The following PCDHGB3 variants were observed in gnomAD, a reference collection of about 807,000 sequenced individuals.
PCDHGB3 encodes protocadherin gamma-B3.
Under a neutral mutation model 59.2 loss-of-function variants are expected in PCDHGB3, and 40 were observed. That is an observed-to-expected ratio of 0.68 (90% CI 0.52 to 0.88). The LOEUF (loss-of-function observed/expected upper bound fraction) is 0.88, where lower values mean the gene tolerates loss of function less well. Among genes scored for constraint, PCDHGB3 ranks in the 40% least tolerant of loss-of-function variants. The pLI is 0.00. For missense variants in PCDHGB3, 1,309 were observed against 1,187.9 expected, an observed-to-expected ratio of 1.10 and a Z score of -1.50; for synonymous variants, 581 against 503.6, an observed-to-expected ratio of 1.15 and a Z score of -2.06.
chr5:141,416,130 C>T (rs907950687), intron 1 of PCDHGB3: 1 of 154,098 alleles, frequency 6.5e-6, no homozygotes, highest in African/African-American at 2.4e-5. Context: ...ATATATTTTT[C>T]AATCTATACT....
At position 141,493,332 on chromosome 5, in the gene PCDHGB3, C is replaced by T. The variant is rs2099747680; in HGVS notation, c.2416-1475C>T. 6.6e-6 allele frequency among the ~76,000 whole-genome samples: 1 copy of T among 152,210 alleles called. No homozygotes were observed. The highest frequency in any genetic ancestry group is 1.5e-5 in the Non-Finnish European group (1 of 68,036). Reference sequence around the variant, plus strand: ...AAGAGAGATTCTAACCCCTGTCTAACTCCAGAATGTGTGCTTTTAATTTCT... The same window carrying T: ...AAGAGAGATTCTAACCCCTGTCTAATTCCAGAATGTGTGCTTTTAATTTCT... On this transcript the variant is annotated intron_variant, in intron 1 of 3. Transcript: ENST00000576222. This position sits in a 1 kb window ranked among gnomAD's most constrained non-coding sequence, Gnocchi z 4.3.
intron 1 of PCDHGB3, chr5:141,409,494 C>G (rs755680835): frequency 6.2e-7 from 1 of 1,614,028 alleles, no homozygotes; most frequent in Non-Finnish European, 8.5e-7. Flanking sequence ...GGCAAGCCGC[C>G]TCTTTCTTCC....
chr5:141,415,096 G>A (rs1398998410), intron 1 of PCDHGB3: 3 of 1,613,462 alleles, frequency 1.9e-6, no homozygotes, highest in Non-Finnish European at 2.5e-6. Flanking sequence ...GGACAGAGAC[G>A]CGCTCAAGCA....
At chr5:141,407,547 T>C (rs895082728) in intron 1 of PCDHGB3, among the ~76,000 whole-genome samples, 1 of 151,860 alleles carries the variant, frequency 6.6e-6, no homozygotes, top group Non-Finnish European at 1.5e-5. Flanking sequence ...GGTAACAGAT[T>C]GTAGAACATA....
At chr5:141,389,088 T>G (rs774714581) in intron 1 of PCDHGB3, 2 of 1,613,894 alleles carry the variant, frequency 1.2e-6, no homozygotes, top group Non-Finnish European at 1.7e-6. Context: ...CACGTATAAA[T>G]TAGTGACAGA....
At chr5:141,502,864 G>GTTTTTTTT in intron 2 of PCDHGB3, among the ~76,000 whole-genome samples, 3 of 61,566 alleles carry the variant, frequency 4.9e-5, no homozygotes, top group African/African-American at 2.4e-4. Context: ...CTGACTCTCT[G>GTTTTTTTT]TCTTTTTTTT....
intron 1 of PCDHGB3, chr5:141,418,282 A>G (rs1209026046): frequency 6.2e-7 from 1 of 1,614,030 alleles, no homozygotes; most frequent in Admixed American, 1.7e-5. Flanking sequence ...TAAACTTAGA[A>G]ATCAGTGAAT....
intron 1 of PCDHGB3, chr5:141,414,141 A>T (rs1162904324): frequency 1.3e-6 from 2 of 1,597,216 alleles, no homozygotes; most frequent in East Asian, 2.3e-5. Context: ...ATGAAATAGA[A>T]ATACAAGCAG....
intron 1 of PCDHGB3, chr5:141,393,960 G>A (rs2092885452): frequency 4.3e-6 from 7 of 1,613,944 alleles, no homozygotes; most frequent in Non-Finnish European, 5.1e-6. Context: ...TGGTCAAGTT[G>A]TCTGTTACAC....
chr5:141,423,234 C>T, intron 1 of PCDHGB3: 1 of 1,613,918 alleles, frequency 6.2e-7, no homozygotes, highest in South Asian at 1.1e-5. Context: ...CCGACAGCAT[C>T]CCCGAAGTCC....
chr5:141,393,664 T>A, intron 1 of PCDHGB3: 1 of 1,613,772 alleles, frequency 6.2e-7, no homozygotes. Context: ...TTCCGGAAAA[T>A]TAATGAAAAA....
intron 1 of PCDHGB3, chr5:141,392,144 A>G (rs1172213450): frequency 6.6e-6 from 1 of 152,224 alleles, no homozygotes; most frequent in Admixed American, 6.5e-5. Flanking sequence ...AGTAGTTTAA[A>G]CCAAATAAAA....
chr5:141,414,868 G>A (rs1346192710), intron 1 of PCDHGB3: 1 of 1,614,098 alleles, frequency 6.2e-7, no homozygotes, highest in African/African-American at 1.3e-5. Flanking sequence ...CAATGCGCCC[G>A]AGATCCTGTA....
chr5:141,408,437 G>A (rs368564960), intron 1 of PCDHGB3: 1 of 1,614,068 alleles, frequency 6.2e-7, no homozygotes, highest in Admixed American at 1.7e-5. Flanking sequence ...CAGCGTAGAC[G>A]CGGAGAGCGG....
chr5:141,377,395 C>T (rs1468880998), intron 1 of PCDHGB3: 1 of 151,984 alleles, frequency 6.6e-6, no homozygotes, highest in Non-Finnish European at 1.5e-5. Context: ...CCCTTGAGAC[C>T]AGGAGTTTGA....
chr5:141,430,997 C>G, intron 1 of PCDHGB3: 1 of 1,613,926 alleles, frequency 6.2e-7, no homozygotes. Context: ...CCTGAATCCG[C>G]GCAGCGGCAG....
At chr5:141,429,039 A>G (rs565483195) in intron 1 of PCDHGB3, 1 of 152,202 alleles carries the variant, frequency 6.6e-6, no homozygotes, top group East Asian at 1.9e-4. Flanking sequence ...CATTTTTAGT[A>G]CAGACGGGGT....
intron 1 of PCDHGB3, among the ~76,000 whole-genome samples, chr5:141,433,513 C>T (rs2097615953): frequency 6.6e-6 from 1 of 152,066 alleles, no homozygotes; most frequent in Non-Finnish European, 1.5e-5. Flanking sequence ...GGATTACAGG[C>T]GTGAACCACA....
At chr5:141,400,747 G>GCTT (rs1302066014) in intron 1 of PCDHGB3, 9 of 602,662 alleles carry the variant, frequency 1.5e-5, no homozygotes, top group Admixed American at 6.5e-5. Context: ...TTTGCTCTTA[G>GCTT]CTTCCTCTCT....
Sources: allele counts gnomAD v4.1 joint callset (sites outside exome capture counted in the v4.1 genomes callset), GRCh38; gene constraint gnomAD v4.1.1; non-coding constraint Gnocchi (gnomAD v3.1); transcripts MANE v1.5; gene names NCBI Gene and HGNC (gene_info 2026-07-23, HGNC 2026-07-21).